Variants in DENND4A observed in about 807,000 individuals in gnomAD.
DENND4A encodes DENN domain containing 4A, also known as C-myc promoter-binding protein.
In DENND4A, 70 loss-of-function variants were observed where a neutral mutation model predicts 199.3. That is an observed-to-expected ratio of 0.35 (90% confidence interval 0.29 to 0.43). DENND4A has a LOEUF of 0.43. Among genes scored for constraint, DENND4A ranks in the 20% least tolerant of loss-of-function variants. DENND4A has a pLI of 1.00. For synonymous variants in DENND4A, 686 were observed against 766.9 expected (o/e 0.89, Z 1.74); for missense variants, 1,723 against 2,255.8 (o/e 0.76, Z 4.78).
chr15:65,741,642 T>C, intron 5 of DENND4A, 73 bp downstream of exon 5: 1 of 1,257,034 alleles, frequency 8.0e-7, no homozygotes, highest in Non-Finnish European at 1.1e-6. Flanking sequence ...ACTAGGCAGG[T>C]TTCTTTACTT....
At chr15:65,762,315 T>C (rs2076871884) in intron 1 of DENND4A, among the ~76,000 whole-genome samples, 1 of 151,948 alleles carries the variant, frequency 6.6e-6, no homozygotes, top group South Asian at 2.1e-4. Context: ...CCTGAAAAGA[T>C]GTTTTTCAAA....
In DENND4A at chr15:65,706,504, A is replaced by T. The variant is rs1302267982; in HGVS notation, c.1954-280T>A. Among the ~76,000 whole-genome samples, 26 of 127,824 alleles carry T rather than the reference A, an allele frequency of 2.0e-4. No individual in the cohort carries two copies. In the East Asian group the frequency reaches 8.5e-3, roughly 42 times the overall value. The allele number at this position is 127,824 out of a possible 152,430, so 83.9% of individuals were successfully genotyped here. A position where few individuals can be genotyped will look rare whatever the true frequency, so the allele number is the denominator to read the frequency against. On this transcript the variant is annotated intron_variant, in intron 14 of 32. Coordinates refer to ENST00000443035, the MANE Select transcript of DENND4A (RefSeq NM_001320835.1). ...CACACACACACACACACATATATAT[A>T]TATATTTTTTTTTGAGACAGTCTTG...
chr15:65,701,739 A>G, intron 18 of DENND4A, 23 bp downstream of exon 18: 1 of 1,606,898 alleles, frequency 6.2e-7, no homozygotes, highest in Non-Finnish European at 8.5e-7. Context: ...AATACTCTTT[A>G]TCCATTAAAC....
chr15:65,677,113 T>A (rs924303896), intron 23 of DENND4A, among the ~76,000 whole-genome samples: 2 of 152,166 alleles, frequency 1.3e-5, no homozygotes, highest in South Asian at 2.1e-4. Context: ...ACGAAAAAAA[T>A]TTAATACCTG....
chr15:65,765,281 A>G (rs945298762), intron 1 of DENND4A, among the ~76,000 whole-genome samples: 24 of 152,252 alleles, frequency 1.6e-4, no homozygotes, highest in African/African-American at 5.8e-4. Context: ...TAGAAAATTT[A>G]TAAAATCTAT....
intron 22 of DENND4A, among the ~76,000 whole-genome samples, chr15:65,693,488 T>G (rs769375496): frequency 1.3e-5 from 2 of 152,060 alleles, no homozygotes; most frequent in African/African-American, 2.4e-5. Context: ...TATTCGAGAC[T>G]TAAAGCTGAA....
chr15:65,700,722 A>G (rs2074838831), intron 19 of DENND4A, 47 bp from the exon 20 acceptor site: 1 of 1,467,368 alleles, frequency 6.8e-7, no homozygotes, highest in Non-Finnish European at 9.0e-7. Flanking sequence ...AGAGGTAAAT[A>G]CACATTAATT....
intron 12 of DENND4A, among the ~76,000 whole-genome samples, chr15:65,718,386 A>G (rs544858008): frequency 6.6e-6 from 1 of 152,278 alleles, no homozygotes; most frequent in East Asian, 1.9e-4. Flanking sequence ...TAAAATAACT[A>G]TATATAAGTT....
rs148703996 is a variant in DENND4A at position 65,769,607 on chromosome 15, A to T, written c.-101-8169T>A. ...TCAAATAATTTGATGTAAATCACTT[A>T]ATGAGGTACTCGTCATTTTAAAAAA... On this transcript the variant is annotated intron_variant, in intron 1 of 32. Coordinates refer to ENST00000443035, the MANE Select transcript of DENND4A (RefSeq NM_001320835.1). Among the ~76,000 whole-genome samples the T allele has an allele frequency of 6.6e-3, 1,009 of 152,328 alleles. 11 individuals are homozygous for T. Among genetic ancestry groups the T allele is most frequent in the African/African-American group, 0.023 (969 of 41,584 alleles).
At chr15:65,779,709 G>A (rs1026835489) in intron 1 of DENND4A, among the ~76,000 whole-genome samples, 1 of 152,070 alleles carries the variant, frequency 6.6e-6, no homozygotes, top group Non-Finnish European at 1.5e-5. Flanking sequence ...GAGTGCAGTA[G>A]TGCGATCTCA....
chr15:65,729,263 G>A lies in DENND4A; in HGVS notation c.1312-16C>T. 2 of 1,559,564 alleles carry A rather than the reference G, an allele frequency of 1.3e-6. No homozygotes were observed. Among genetic ancestry groups the A allele is most frequent in the Non-Finnish European group, 1.7e-6 (2 of 1,151,292 alleles). ...GGAAAATCATCTTGGATAAACAAAA[G>A]ATAGGAGAGAATTTAGCTTTTTAAC... is the stretch of plus-strand genomic sequence containing the variant. On this transcript the variant is annotated splice_polypyrimidine_tract_variant and intron_variant, in intron 10 of 32. Transcript: ENST00000443035.
chr15:65,706,534 A>G (rs569715853), intron 14 of DENND4A, among the ~76,000 whole-genome samples: 9 of 148,582 alleles, frequency 6.1e-5, no homozygotes, highest in East Asian at 3.9e-4. Flanking sequence ...GTCTTGCTCT[A>G]TCGCCAGGAT....
chr15:65,722,803 C>T lies in DENND4A; in HGVS notation c.1588+45G>A. 1.4e-6 allele frequency: 2 copies of T among 1,423,728 alleles called. 1 individual carries two copies. The highest frequency in any genetic ancestry group is 2.8e-5 in the South Asian group (2 of 70,198). The allele number at this position is 1,423,728 out of a possible 1,614,324, so 88.2% of individuals were successfully genotyped here. On this transcript the variant is annotated intron_variant, in intron 12 of 32. Transcript: ENST00000443035. ...AAGTAAGGCAAAGTAATTGGAGTCC[C>T]TTTTTCAGATTAAATTACCTCCTTT...
At chr15:65,755,890 C>CA (rs1236123978) in intron 3 of DENND4A, among the ~76,000 whole-genome samples, 1 of 152,170 alleles carries the variant, frequency 6.6e-6, no homozygotes, top group Non-Finnish European at 1.5e-5. Context: ...TACTTTCCTG[C>CA]AAATGTTTTT....
Position 65,670,063 on chromosome 15 carries a change from G to C in DENND4A, c.4590C>G (p.Ile1530Met). The C allele has an allele frequency of 1.2e-6, 2 of 1,602,604 alleles. No individual in the cohort carries two copies. The highest frequency in any genetic ancestry group is 1.1e-5 in the South Asian group (1 of 89,188). The part of the protein sequence containing the change: ...LNTTCPFCGN[I>M]FLPFLNIEIR... ...TTTCTATATTCAGAAAGGGTAAGAA[G>C]ATATTGCCACAGAATGGGCATGTAG... The change falls in exon 26 of 33, where the codon ATC becomes ATG. Residue 1530 changes from isoleucine (I) to methionine (M), a missense_variant. Physicochemically the swap from Ile to Met is conservative, Grantham distance 10 (BLOSUM62 1). Transcript: ENST00000443035.
At position 65,752,459 on chromosome 15, in the gene DENND4A, T is replaced by C. The variant is rs1051106291; in HGVS notation, c.481A>G (p.Ile161Val). 6.2e-7 allele frequency: 1 copy of C among 1,613,756 alleles called. No homozygotes were observed. The highest frequency in any genetic ancestry group is 1.3e-5 in the African/African-American group (1 of 75,014). The change falls in exon 4 of 33, where the codon ATA (isoleucine) becomes GTA (valine). Residue 161 changes from isoleucine to valine, a missense_variant. By Grantham distance (29) the Ile-to-Val change is conservative. This residue lies in a region of DENND4A where 725 missense variants were observed against 952.9 expected (regional missense o/e 0.76). Transcript: ENST00000443035. ...CCTTTACTGGGTATAATAATACATATGTCAGTGACAGCCAACGTATTCTGA... is the reference window on the plus strand; with the variant it reads ...CCTTTACTGGGTATAATAATACATACGTCAGTGACAGCCAACGTATTCTGA... ...MTQNTLAVTD[I>V]CIIIPSKGES...
intron 13 of DENND4A, among the ~76,000 whole-genome samples, chr15:65,717,036 AG>A (rs1449128437): frequency 1.3e-5 from 2 of 152,196 alleles, no homozygotes; most frequent in Non-Finnish European, 2.9e-5. Context: ...TTACTTCTTC[AG>A]AAAAGCCTTC....
At position 65,706,508 on chromosome 15, in the gene DENND4A, A is replaced by ATTTT. The variant is rs1555422315; in HGVS notation, c.1954-288_1954-285dup. Among the ~76,000 whole-genome samples the ATTTT allele has an allele frequency of 9.8e-4, 133 of 136,072 alleles. 1 individual carries two copies. The highest frequency in any genetic ancestry group is 3.7e-3 in the African/African-American group (130 of 35,428). The allele number at this position is 136,072 out of a possible 152,430, so 89.3% of individuals were successfully genotyped here. A position where few individuals can be genotyped will look rare whatever the true frequency, so the allele number is the denominator to read the frequency against. ...CACACACACACACATATATATATAT[A>ATTTT]TTTTTTTTTGAGACAGTCTTGCTCT... On this transcript the variant is annotated intron_variant, in intron 14 of 32. Coordinates refer to ENST00000443035, the MANE Select transcript of DENND4A (RefSeq NM_001320835.1).
intron 4 of DENND4A, among the ~76,000 whole-genome samples, chr15:65,743,361 C>A (rs1171183416): frequency 6.6e-6 from 1 of 152,104 alleles, no homozygotes; most frequent in Non-Finnish European, 1.5e-5. Flanking sequence ...AGGAATGGTC[C>A]CTCCTTGAGG....
Sources: gnomAD v4.1 joint callset for allele counts (sites outside exome capture counted in the v4.1 genomes callset) on GRCh38, gnomAD v4.1.1 for gene constraint, gnomAD v4.1.1 regional missense constraint, MANE v1.5 for transcripts, NCBI Gene and HGNC (gene_info 2026-07-23, HGNC 2026-07-21) for gene names.